ENTPD6: variants seen among roughly 807,000 people sequenced by gnomAD.
ENTPD6 encodes the protein CD39 antigen-like 2.
Under a neutral mutation model 61.5 loss-of-function variants are expected in ENTPD6, and 46 were observed. The observed-to-expected ratio is 0.75, with a 90% CI of 0.59 to 0.96. The LOEUF is 0.96. ENTPD6 is among the 40% of genes least tolerant of loss of function. ENTPD6 has a pLI of 0.00. For synonymous variants in ENTPD6, 252 were observed against 255.5 expected (o/e 0.99, Z 0.13); for missense variants, 612 against 629.0 (o/e 0.97, Z 0.29).
At chr20:25,216,066 A>G (rs927362174) in intron 7 of ENTPD6, among the ~76,000 whole-genome samples, 1 of 152,344 alleles carries the variant, frequency 6.6e-6, no homozygotes, top group Non-Finnish European at 1.5e-5. Flanking sequence ...TGTGAATGCT[A>G]TTCACCTTCT....
intron 7 of ENTPD6, among the ~76,000 whole-genome samples, chr20:25,216,402 C>T (rs549761071): frequency 3.3e-5 from 5 of 152,168 alleles, no homozygotes; most frequent in African/African-American, 9.7e-5. Flanking sequence ...CCAGCTGATA[C>T]GGCAGTTTCA....
chr20:25,225,806 C>A lies in ENTPD6; in HGVS notation c.*209C>A. 1.8e-6 allele frequency: 1 copy of A among 544,248 alleles called. No homozygotes were observed. The highest frequency in any genetic ancestry group is 3.3e-6 in the Non-Finnish European group (1 of 306,932). 33.7% of individuals were successfully genotyped at this position (544,248 alleles called of 1,614,324 possible). A position where few individuals can be genotyped will look rare whatever the true frequency, so the allele number is the denominator to read the frequency against. On this transcript the variant is annotated 3_prime_UTR_variant, in exon 15 of 15. Transcript: ENST00000376652. ...GCCAGAGGGCTGTCTGGACCTGGGC[C>A]CTGCTCAATGCCACCTGTCTGCCTG...
chr20:25,225,285 G>T lies in ENTPD6; in HGVS notation c.1324G>T (p.Glu442Ter). The change falls in exon 14 of 15, where the codon GAG becomes TAG. Residue 442 changes from glutamate to a stop codon, truncating the protein, a stop_gained. Coordinates refer to ENST00000376652, the MANE Select transcript of ENTPD6 (RefSeq NM_001247.5). LOFTEE classifies it high-confidence loss of function. ...DLTYVSLLLQ[E>*]FGFPRSKVLK... The stretch of plus-strand genomic sequence containing the variant: ...CACCTACGTCAGCCTGCTACTCCAG[G>T]AGTTCGGCTTTCCCAGGAGCAAAGT... 6.2e-7 allele frequency: 1 copy of T among 1,613,416 alleles called. No homozygotes were observed. Among genetic ancestry groups the T allele is most frequent in the Non-Finnish European group, 8.5e-7 (1 of 1,179,972 alleles).
In ENTPD6 at chr20:25,225,624, G is replaced by T; in HGVS notation, c.*27G>T. 2 of 1,587,008 alleles carry T rather than the reference G, an allele frequency of 1.3e-6. No homozygotes were observed. Among genetic ancestry groups the T allele is most frequent in the Non-Finnish European group, 1.7e-6 (2 of 1,156,950 alleles). On this transcript the variant is annotated 3_prime_UTR_variant, in exon 15 of 15. Coordinates refer to ENST00000376652, the MANE Select transcript of ENTPD6 (RefSeq NM_001247.5). The stretch of plus-strand genomic sequence containing the variant: ...GGCCGAGCCATCCCTGTCCCCGTCA[G>T]CAGTGTCTGTGTGTCTGCATAAACC...
intron 10 of ENTPD6, 54 bp from the exon 11 acceptor site, chr20:25,221,178 G>T: frequency 7.0e-7 from 1 of 1,434,324 alleles, no homozygotes; most frequent in Non-Finnish European, 9.7e-7. Flanking sequence ...CTCAGCCCTA[G>T]TCCATGGCGG....
intron 1 of ENTPD6, chr20:25,196,136 CTGCGTTCATTCATTCAGCCCGCTTT>C: frequency 2.5e-6 from 3 of 1,219,220 alleles, no homozygotes; most frequent in Non-Finnish European, 3.1e-6. Context: ...CCCAGCCCTG[CTGCGTTCATTCATTCAGCCCGCTTT>C]TGCGGACCCG....
At chr20:25,221,496 G>T in intron 11 of ENTPD6, 163 bp downstream of exon 11, 2 of 701,206 alleles carry the variant, frequency 2.9e-6, no homozygotes, top group African/African-American at 1.8e-5. Flanking sequence ...GGCTGCAGGG[G>T]CCTGTGTCTG....
chr20:25,221,516 C>G lies in ENTPD6; in HGVS notation c.1045+183C>G, dbSNP rs914836826. On this transcript the variant is annotated intron_variant, in intron 11 of 14. Coordinates refer to ENST00000376652, the MANE Select transcript of ENTPD6 (RefSeq NM_001247.5). ...CAGGGGCCTGTGTCTGTGCTGAGAGCCAGCTCCTTCCCTCTGCCTCTGTTC... is the reference window on the plus strand; with the variant it reads ...CAGGGGCCTGTGTCTGTGCTGAGAGGCAGCTCCTTCCCTCTGCCTCTGTTC... 1.2e-5 allele frequency: 8 copies of G among 672,640 alleles called. No homozygotes were observed. In the East Asian group the frequency reaches 2.2e-4, roughly 19 times the overall value. 41.7% of individuals were successfully genotyped at this position (672,640 alleles called of 1,614,324 possible). A position where few individuals can be genotyped will look rare whatever the true frequency, so the allele number is the denominator to read the frequency against.
intron 1 of ENTPD6, among the ~76,000 whole-genome samples, chr20:25,200,240 A>G (rs954720158): frequency 1.3e-5 from 2 of 152,100 alleles, no homozygotes; most frequent in African/African-American, 2.4e-5. Context: ...CTCTTTTTGT[A>G]TGCTTTTTAT....
At chr20:25,203,958 C>A (rs2091257472) in intron 1 of ENTPD6, among the ~76,000 whole-genome samples, 1 of 152,220 alleles carries the variant, frequency 6.6e-6, no homozygotes, top group South Asian at 2.1e-4. Flanking sequence ...CCAAAGTTTC[C>A]TCTGGTTTCT....
At chr20:25,209,765 T>G in intron 3 of ENTPD6, 84 bp from the exon 4 acceptor site, 1 of 1,216,312 alleles carries the variant, frequency 8.2e-7, no homozygotes, top group Non-Finnish European at 1.2e-6. Context: ...GTGTCTGTCT[T>G]TAAAAAGTGT....
At position 25,226,921 on chromosome 20, in the gene ENTPD6, C is replaced by T. The variant is rs1225746071; in HGVS notation, c.*1324C>T. On this transcript the variant is annotated 3_prime_UTR_variant, in exon 15 of 15. Transcript: ENST00000376652. ...GGTCTGGCTGGTGGCCCCGGCCCTCCCAGCGTCTGTTGAGCACAGCTCCTC... is the reference window on the plus strand; with the variant it reads ...GGTCTGGCTGGTGGCCCCGGCCCTCTCAGCGTCTGTTGAGCACAGCTCCTC... 6.6e-6 allele frequency among the ~76,000 whole-genome samples: 1 copy of T among 152,262 alleles called. No homozygotes were observed. Among genetic ancestry groups the T allele is most frequent in the East Asian group, 1.9e-4 (1 of 5,204 alleles).
intron 4 of ENTPD6, among the ~76,000 whole-genome samples, chr20:25,211,541 C>T (rs1415314162): frequency 2.6e-5 from 4 of 152,206 alleles, no homozygotes; most frequent in Non-Finnish European, 2.9e-5. Context: ...ATTTTTACTT[C>T]ACACCCACGG....
chr20:25,222,794 G>T (rs752218074), intron 11 of ENTPD6, 44 bp from the exon 12 acceptor site: 2 of 1,605,152 alleles, frequency 1.2e-6, no homozygotes, highest in Middle Eastern at 2.0e-4. Context: ...GTGAGGCCTG[G>T]GTGCTCGGAG....
Position 25,217,485 on chromosome 20 carries a change from C to G in ENTPD6, c.799-17C>G, listed in dbSNP as rs1345924167. On this transcript the variant is annotated splice_polypyrimidine_tract_variant and intron_variant, in intron 8 of 14. Coordinates refer to ENST00000376652, the MANE Select transcript of ENTPD6 (RefSeq NM_001247.5). ...GAAAGACCAGCAGGAAACATAGTTA[C>G]CCTCGTTCTTCTCCAGGGCACCCTG... is the stretch of plus-strand genomic sequence containing the variant. The G allele has an allele frequency of 6.2e-7, 1 of 1,612,022 alleles. No homozygotes were observed. The highest frequency in any genetic ancestry group is 1.3e-5 in the African/African-American group (1 of 74,888).
rs1051734488 is a variant in ENTPD6, at chr20:25,217,644, C to T, written c.878+63C>T. The T allele has an allele frequency of 5.7e-6, 8 of 1,395,764 alleles. No homozygotes were observed. The East Asian group carries it at 6.9e-5, about 12-fold the overall frequency. 86.5% of individuals were successfully genotyped at this position (1,395,764 alleles called of 1,614,324 possible). A position where few individuals can be genotyped will look rare whatever the true frequency, so the allele number is the denominator to read the frequency against. On this transcript the variant is annotated intron_variant, in intron 9 of 14. Transcript: ENST00000376652. ...GGTGGGTATGCAGCTCCCAGGGCCT[C>T]GCATGGCCCTCTTGAGGTCATGGAT...
At position 25,195,738 on chromosome 20, in the gene ENTPD6, G is replaced by T. The variant is rs1054354874; in HGVS notation, c.-145G>T. The T allele has an allele frequency of 1.4e-5, 10 of 725,532 alleles. No individual in the cohort carries two copies. The highest frequency in any genetic ancestry group is 1.8e-5 in the African/African-American group (1 of 54,462). The allele number at this position is 725,532 out of a possible 1,614,324, so 44.9% of individuals were successfully genotyped here. A position where few individuals can be genotyped will look rare whatever the true frequency, so the allele number is the denominator to read the frequency against. ...CGGAGCCCAGGCCCTAGGGAATCGT[G>T]GGGTCGTATCCCGCGGGTGGAGGCC... On this transcript the variant is annotated 5_prime_UTR_variant, in exon 1 of 15. Transcript: ENST00000376652.
In ENTPD6 at chr20:25,225,861, C is replaced by T. The variant is rs6050460; in HGVS notation, c.*264C>T. ...CCAAGTGGGCAGGACCAGGACAGAA[C>T]CACAGGCACACACTGAGGGGGCAGT... On this transcript the variant is annotated 3_prime_UTR_variant, in exon 15 of 15. Transcript: ENST00000376652. 9,311 of 429,406 alleles carry T rather than the reference C, an allele frequency of 0.022. 716 individuals carry two copies. The highest frequency in any genetic ancestry group is 0.17 in the African/African-American group (8,511 of 49,534). 26.6% of individuals were successfully genotyped at this position (429,406 alleles called of 1,614,324 possible). A position where few individuals can be genotyped will look rare whatever the true frequency, so the allele number is the denominator to read the frequency against.
At chr20:25,202,686 T>G (rs1384176874) in intron 1 of ENTPD6, among the ~76,000 whole-genome samples, 1 of 152,258 alleles carries the variant, frequency 6.6e-6, no homozygotes, top group African/African-American at 2.4e-5. Context: ...CTACCCCCAC[T>G]TTGTTATTGA....
Sources: allele counts gnomAD v4.1 joint callset (sites outside exome capture counted in the v4.1 genomes callset), GRCh38; gene constraint gnomAD v4.1.1; transcripts MANE v1.5; gene names NCBI Gene and HGNC (gene_info 2026-07-23, HGNC 2026-07-21).